Variants in FOXL2NB observed in about 807,000 individuals in gnomAD.
FOXL2NB encodes the protein FOXL2 neighbor.
FOXL2NB carries 10 observed loss-of-function variants against 7.4 expected under a neutral mutation model. That is an observed-to-expected ratio of 1.34 (90% CI 0.83 to 2.28). FOXL2NB has a LOEUF of 2.28. FOXL2NB is among the 30% of genes most tolerant of loss of function. FOXL2NB has a pLI of 0.00. For missense variants in FOXL2NB, 228 were observed against 233.9 expected (o/e 0.97, Z 0.17); for synonymous variants, 104 against 105.3 (o/e 0.99, Z 0.08).
rs754753810 is a variant in FOXL2NB at position 138,949,623 on chromosome 3, G to A, written c.204G>A (p.Ser68=). The A allele has an allele frequency of 1.3e-6, 2 of 1,552,078 alleles. No individual in the cohort carries two copies. The highest frequency in any genetic ancestry group is 2.2e-5 in the South Asian group (2 of 89,372). ...KMCLHMAVRH[S]KAQKTGPGIL... ...GCCTTCACATGGCTGTCCGGCATTC[G>A]AAGGCTCAGAAAACAGGCAAGAAAA... is the stretch of plus-strand genomic sequence containing the variant. The change falls in exon 2 of 3, where the codon TCG becomes TCA. Residue 68 remains serine (S), a synonymous_variant. Transcript: ENST00000383165. The surrounding 1 kb of genome is among the most constrained non-coding windows in gnomAD (Gnocchi z 4.5).
Position 138,950,370 on chromosome 3 carries a change from C to T in FOXL2NB, c.326C>T (p.Ser109Leu), listed in dbSNP as rs779660003. ...GGCTGCTCTGAGGCAGGCAGCGCTT[C>T]GCTAGAACCACTCAGCTCGTCCCGC... is the stretch of plus-strand genomic sequence containing the variant. Reference protein sequence around the residue: ...RRGCSEAGSASLEPLSSSRAA... With the variant: ...RRGCSEAGSALLEPLSSSRAA... Residue 109 changes from serine to leucine, a missense_variant, in exon 3 of 3, where the codon TCG becomes TTG. Transcript: ENST00000383165. 7 of 1,612,432 alleles carry T rather than the reference C, an allele frequency of 4.3e-6. No homozygotes were observed. The highest frequency in any genetic ancestry group is 5.9e-6 in the Non-Finnish European group (7 of 1,179,902).
chr3:138,950,641 C>G lies in FOXL2NB; in HGVS notation c.*69C>G. On this transcript the variant is annotated 3_prime_UTR_variant, in exon 3 of 3. Transcript: ENST00000383165. ...CTCCCTCCCGGCCCCTCACAGGGCC[C>G]TTTGCACCCACACCTCAGGGACTCG... 1 of 1,536,266 alleles carries G rather than the reference C, an allele frequency of 6.5e-7. No homozygotes were observed. Among genetic ancestry groups the G allele is most frequent in the Non-Finnish European group, 8.9e-7 (1 of 1,121,120 alleles).
chr3:138,950,011 G>A (rs1305276508), intron 2 of FOXL2NB: 2 of 703,060 alleles, frequency 2.8e-6, no homozygotes, highest in African/African-American at 3.5e-5. Context: ...AAAGGCCAGG[G>A]TGGTGGGCTG....
In FOXL2NB at chr3:138,947,718, G is replaced by T; in HGVS notation, c.100+254G>T. On this transcript the variant is annotated intron_variant, in intron 1 of 2. Transcript: ENST00000383165. The surrounding 1 kb of genome is among the most constrained non-coding windows in gnomAD (Gnocchi z 5.2). ...GGGGAGAGGATCTCTGGAAATAGTC[G>T]TCAGGGGCGCCGCCTGAATCACCTC... 5 of 1,225,604 alleles carry T rather than the reference G, an allele frequency of 4.1e-6. No individual in the cohort carries two copies. The highest frequency in any genetic ancestry group is 5.1e-6 in the Non-Finnish European group (5 of 981,876). The allele number at this position is 1,225,604 out of a possible 1,614,324, so 75.9% of individuals were successfully genotyped here. A position where few individuals can be genotyped will look rare whatever the true frequency, so the allele number is the denominator to read the frequency against.
Position 138,951,680 on chromosome 3 carries a change from C to T in FOXL2NB, c.*1108C>T, listed in dbSNP as rs1341715662. On this transcript the variant is annotated 3_prime_UTR_variant, in exon 3 of 3. Transcript: ENST00000383165. ...TTTCCTCTGATATCCCTCATGACAT[C>T]TATGGCCCAAAGCCATTTTGTTCAG... The T allele has an allele frequency of 6.6e-6, 1 of 152,248 alleles. No individual in the cohort carries two copies. The highest frequency in any genetic ancestry group is 1.5e-5 in the Non-Finnish European group (1 of 68,074). 9.4% of individuals were successfully genotyped at this position (152,248 alleles called of 1,614,324 possible).
chr3:138,950,778 A>G lies in FOXL2NB; in HGVS notation c.*206A>G. ...CCCTCCTACTTCTCTCACACTCACCAGCTACACGTACTAATTCAGATTTTG... is the reference window on the plus strand; with the variant it reads ...CCCTCCTACTTCTCTCACACTCACCGGCTACACGTACTAATTCAGATTTTG... On this transcript the variant is annotated 3_prime_UTR_variant, in exon 3 of 3. Transcript: ENST00000383165. 1 of 594,708 alleles carries G rather than the reference A, an allele frequency of 1.7e-6. No individual in the cohort carries two copies. The highest frequency in any genetic ancestry group is 1.9e-5 in the African/African-American group (1 of 52,832). The allele number at this position is 594,708 out of a possible 1,614,324, so 36.8% of individuals were successfully genotyped here.
In FOXL2NB at chr3:138,947,725, G is replaced by A. The variant is rs1936019081; in HGVS notation, c.100+261G>A. ...GGATCTCTGGAAATAGTCGTCAGGGGCGCCGCCTGAATCACCTCTGCCTCT... is the reference window on the plus strand; with the variant it reads ...GGATCTCTGGAAATAGTCGTCAGGGACGCCGCCTGAATCACCTCTGCCTCT... On this transcript the variant is annotated intron_variant, in intron 1 of 2. Coordinates refer to ENST00000383165, the MANE Select transcript of FOXL2NB (RefSeq NM_001040061.3). The surrounding 1 kb of genome is among the most constrained non-coding windows in gnomAD (Gnocchi z 5.2). The A allele has an allele frequency of 8.2e-7, 1 of 1,216,312 alleles. No individual in the cohort carries two copies. The highest frequency in any genetic ancestry group is 2.7e-5 in the South Asian group (1 of 37,036). The allele number at this position is 1,216,312 out of a possible 1,614,324, so 75.3% of individuals were successfully genotyped here. A position where few individuals can be genotyped will look rare whatever the true frequency, so the allele number is the denominator to read the frequency against.
Position 138,947,840 on chromosome 3 carries a change from C to G in FOXL2NB, c.100+376C>G. The G allele has an allele frequency of 9.8e-7, 1 of 1,018,138 alleles. No individual in the cohort carries two copies. The highest frequency in any genetic ancestry group is 1.2e-6 in the Non-Finnish European group (1 of 851,528). 63.1% of individuals were successfully genotyped at this position (1,018,138 alleles called of 1,614,324 possible). A position where few individuals can be genotyped will look rare whatever the true frequency, so the allele number is the denominator to read the frequency against. ...AGGTTGGATGTGTGCTTTAACAGCACCAAGTAGATGCCCCTCAGCTATTGC... is the reference window on the plus strand; with the variant it reads ...AGGTTGGATGTGTGCTTTAACAGCAGCAAGTAGATGCCCCTCAGCTATTGC... On this transcript the variant is annotated intron_variant, in intron 1 of 2. Coordinates refer to ENST00000383165, the MANE Select transcript of FOXL2NB (RefSeq NM_001040061.3). The surrounding 1 kb of genome is among the most constrained non-coding windows in gnomAD (Gnocchi z 5.2).
Position 138,947,334 on chromosome 3 carries a change from C to G in FOXL2NB, c.-31C>G, listed in dbSNP as rs947647693. 5 of 1,520,652 alleles carry G rather than the reference C, an allele frequency of 3.3e-6. No homozygotes were observed. The highest frequency in any genetic ancestry group is 4.4e-6 in the Non-Finnish European group (5 of 1,124,412). 94.2% of individuals were successfully genotyped at this position (1,520,652 alleles called of 1,614,324 possible). On this transcript the variant is annotated 5_prime_UTR_variant, in exon 1 of 3. Transcript: ENST00000383165. The surrounding 1 kb of genome is among the most constrained non-coding windows in gnomAD (Gnocchi z 5.2). ...CAGGCTCACGCGCCCTTGAAATCTG[C>G]CGGTACTCGCTCTGCGGGCTGGGCT...
At position 138,947,522 on chromosome 3, in the gene FOXL2NB, T is replaced by C. The variant is rs1576470987; in HGVS notation, c.100+58T>C. 4.6e-6 allele frequency: 7 copies of C among 1,509,224 alleles called. No individual in the cohort carries two copies. The highest frequency in any genetic ancestry group is 5.1e-5 in the East Asian group (2 of 39,508). The allele number at this position is 1,509,224 out of a possible 1,614,324, so 93.5% of individuals were successfully genotyped here. On this transcript the variant is annotated intron_variant, in intron 1 of 2. Transcript: ENST00000383165. The surrounding 1 kb of genome is among the most constrained non-coding windows in gnomAD (Gnocchi z 5.2). ...TGCTGCCGTCTTGAGGCTGAACTTC[T>C]AGCTCGGGGCTGGGGAGGGGCGAGA... is the stretch of plus-strand genomic sequence containing the variant.
chr3:138,950,296 GC>G lies in FOXL2NB; in HGVS notation c.255del (p.Ala86ArgfsTer11). 2 of 1,605,528 alleles carry G rather than the reference GC, an allele frequency of 1.2e-6. No homozygotes were observed. Among genetic ancestry groups the G allele is most frequent in the Non-Finnish European group, 1.7e-6 (2 of 1,177,858 alleles). On this transcript the variant is annotated frameshift_variant, in exon 3 of 3. Transcript: ENST00000383165. LOFTEE classifies it low-confidence loss of function (END_TRUNC). ...GAATCCTGCAACAGCGGCAGAAGCC[GC>G]CCGCGCCTCGGGCTTCCGGCGGCCC... ...PGILQQRQKP[P>X]APRASGGPAL...
intron 1 of FOXL2NB, chr3:138,948,008 G>A: frequency 1.0e-6 from 1 of 984,678 alleles, no homozygotes; most frequent in Non-Finnish European, 1.2e-6. Context: ...AGAAACACAG[G>A]TATGCACATG....
chr3:138,947,508 T>G lies in FOXL2NB; in HGVS notation c.100+44T>G. On this transcript the variant is annotated intron_variant, in intron 1 of 2. Coordinates refer to ENST00000383165, the MANE Select transcript of FOXL2NB (RefSeq NM_001040061.3). This position sits in a 1 kb window ranked among gnomAD's most constrained non-coding sequence, Gnocchi z 5.2. ...TTTGCTCTGCCGTTTGCTGCCGTCTTGAGGCTGAACTTCTAGCTCGGGGCT... is the reference window on the plus strand; with the variant it reads ...TTTGCTCTGCCGTTTGCTGCCGTCTGGAGGCTGAACTTCTAGCTCGGGGCT... 2.6e-6 allele frequency: 4 copies of G among 1,515,736 alleles called. No homozygotes were observed. The highest frequency in any genetic ancestry group is 3.6e-6 in the Non-Finnish European group (4 of 1,123,794). The allele number at this position is 1,515,736 out of a possible 1,614,324, so 93.9% of individuals were successfully genotyped here. A position where few individuals can be genotyped will look rare whatever the true frequency, so the allele number is the denominator to read the frequency against.
At position 138,952,578 on chromosome 3, in the gene FOXL2NB, G is replaced by T. The variant is rs1463596912; in HGVS notation, c.*2006G>T. Reference sequence around the variant, plus strand: ...GCTGGAGTGCAGTGGTGCAATCTTGGCTTACCGCAGTCTCCACCTCCCAGG... The same window carrying T: ...GCTGGAGTGCAGTGGTGCAATCTTGTCTTACCGCAGTCTCCACCTCCCAGG... On this transcript the variant is annotated 3_prime_UTR_variant, in exon 3 of 3. Transcript: ENST00000383165. The T allele has an allele frequency of 6.6e-6, 1 of 151,346 alleles. No individual in the cohort carries two copies. The highest frequency in any genetic ancestry group is 1.9e-4 in the East Asian group (1 of 5,158). 9.4% of individuals were successfully genotyped at this position (151,346 alleles called of 1,614,324 possible).
In FOXL2NB at chr3:138,947,398, C is replaced by G. The variant is rs988502946; in HGVS notation, c.34C>G (p.Arg12Gly). The G allele has an allele frequency of 6.5e-7, 1 of 1,548,626 alleles. No homozygotes were observed. Among genetic ancestry groups the G allele is most frequent in the South Asian group, 1.2e-5 (1 of 83,900 alleles). ...GACCCCGGTGGGGTCTGCCCGCACC[C>G]GGCCAAAGCCCAGGAAGCTCGGGCC... Reference protein sequence around the residue: ...TRTPVGSARTRPKPRKLGPQR... With the variant: ...TRTPVGSARTGPKPRKLGPQR... Residue 12 changes from arginine to glycine, a missense_variant, in exon 1 of 3, where the codon CGG (arginine) becomes GGG (glycine). By Grantham distance (125) the Arg-to-Gly change is moderately radical (BLOSUM62 -2). Coordinates refer to ENST00000383165, the MANE Select transcript of FOXL2NB (RefSeq NM_001040061.3). This position sits in a 1 kb window ranked among gnomAD's most constrained non-coding sequence, Gnocchi z 5.2.
chr3:138,950,664 T>A lies in FOXL2NB; in HGVS notation c.*92T>A. The A allele has an allele frequency of 2.3e-6, 3 of 1,325,322 alleles. No homozygotes were observed. The highest frequency in any genetic ancestry group is 2.1e-6 in the Non-Finnish European group (2 of 939,832). 82.1% of individuals were successfully genotyped at this position (1,325,322 alleles called of 1,614,324 possible). ...CCCTTTGCACCCACACCTCAGGGACTCGGTGTCCCTCCACTCAGGTCACGT... is the reference window on the plus strand; with the variant it reads ...CCCTTTGCACCCACACCTCAGGGACACGGTGTCCCTCCACTCAGGTCACGT... On this transcript the variant is annotated 3_prime_UTR_variant, in exon 3 of 3. Transcript: ENST00000383165.
Position 138,947,867 on chromosome 3 carries a change from C to G in FOXL2NB, c.100+403C>G, listed in dbSNP as rs1327328819. On this transcript the variant is annotated intron_variant, in intron 1 of 2. Transcript: ENST00000383165. This position sits in a 1 kb window ranked among gnomAD's most constrained non-coding sequence, Gnocchi z 5.2. ...AAGTAGATGCCCCTCAGCTATTGCA[C>G]TAACACAGGCGGGGCTGTTGCCCGG... The G allele has an allele frequency of 1.0e-6, 1 of 1,003,182 alleles. No homozygotes were observed. Among genetic ancestry groups the G allele is most frequent in the Non-Finnish European group, 1.2e-6 (1 of 841,994 alleles). 62.1% of individuals were successfully genotyped at this position (1,003,182 alleles called of 1,614,324 possible). A position where few individuals can be genotyped will look rare whatever the true frequency, so the allele number is the denominator to read the frequency against.
At chr3:138,950,149 G>T (rs779008335) in intron 2 of FOXL2NB, 116 bp from the exon 3 acceptor site, 4 of 1,136,646 alleles carry the variant, frequency 3.5e-6, no homozygotes, top group Non-Finnish European at 5.2e-6. Context: ...GTGAACCGCC[G>T]ATTGAGCGCA....
In FOXL2NB at chr3:138,951,114, G is replaced by A. The variant is rs1219936457; in HGVS notation, c.*542G>A. On this transcript the variant is annotated 3_prime_UTR_variant, in exon 3 of 3. Transcript: ENST00000383165. Reference sequence around the variant, plus strand: ...TATCTCTGTCTCGAAACTCTGCTGAGTTTGCTGCTCAGACCAACAAGGTGC... The same window carrying A: ...TATCTCTGTCTCGAAACTCTGCTGAATTTGCTGCTCAGACCAACAAGGTGC... 3.2e-5 allele frequency: 5 copies of A among 157,068 alleles called. No homozygotes were observed. Among genetic ancestry groups the A allele is most frequent in the Non-Finnish European group, 7.0e-5 (5 of 71,842 alleles). 9.7% of individuals were successfully genotyped at this position (157,068 alleles called of 1,614,324 possible).
Sources: gnomAD v4.1 joint callset for allele counts on GRCh38, gnomAD v4.1.1 for gene constraint, Gnocchi (gnomAD v3.1) non-coding constraint, MANE v1.5 for transcripts, NCBI Gene and HGNC (gene_info 2026-07-23, HGNC 2026-07-21) for gene names.